The following SLC22A4 variants were observed in gnomAD, a reference collection of about 807,000 sequenced individuals.
SLC22A4 encodes the protein solute carrier family 22 member 4.
A neutral mutation model predicts 56.6 loss-of-function variants in SLC22A4; 39 were observed. The observed-to-expected ratio is 0.69, with a 90% CI of 0.53 to 0.90. The LOEUF is 0.90. SLC22A4 is among the 40% of genes least tolerant of loss of function. The pLI is 0.00. For synonymous variants in SLC22A4, 241 were observed against 281.4 expected (o/e 0.86, Z 1.44); for missense variants, 594 against 696.5 (o/e 0.85, Z 1.66).
At chr5:132,317,396 T>C (rs1332901775) in intron 3 of SLC22A4, among the ~76,000 whole-genome samples, 1 of 152,246 alleles carries the variant, frequency 6.6e-6, no homozygotes, top group Non-Finnish European at 1.5e-5. Context: ...CTGCCTTTAA[T>C]GGATTTCCCT....
At chr5:132,332,052 G>A (rs576608043) in intron 6 of SLC22A4, 13 of 538,184 alleles carry the variant, frequency 2.4e-5, no homozygotes, top group East Asian at 7.0e-5. Flanking sequence ...AATGGCTTAC[G>A]CCTGTAATTC....
At chr5:132,305,022 A>G (rs1009134428) in intron 1 of SLC22A4, among the ~76,000 whole-genome samples, 3 of 152,220 alleles carry the variant, frequency 2.0e-5, no homozygotes, top group Non-Finnish European at 4.4e-5. Flanking sequence ...AGGTAGGAGG[A>G]TTGCTTAAGC....
chr5:132,339,206 A>G (rs1433108034), intron 8 of SLC22A4, among the ~76,000 whole-genome samples: 1 of 152,220 alleles, frequency 6.6e-6, no homozygotes, highest in Non-Finnish European at 1.5e-5. Flanking sequence ...GCAATGGAAG[A>G]AATTAGCCCC....
intron 1 of SLC22A4, among the ~76,000 whole-genome samples, chr5:132,300,538 A>T (rs897336128): frequency 6.6e-6 from 1 of 152,364 alleles, no homozygotes; most frequent in Non-Finnish European, 1.5e-5. Context: ...ACATCTATTT[A>T]TTAATGTATG....
chr5:132,334,524 G>A (rs965948797), intron 6 of SLC22A4, among the ~76,000 whole-genome samples, 194 bp from the exon 7 acceptor site: 5 of 152,222 alleles, frequency 3.3e-5, no homozygotes, highest in Non-Finnish European at 7.3e-5. Context: ...TGGCTATTGA[G>A]CACTTGAAGT....
At chr5:132,338,626 G>A (rs1031071359) in intron 8 of SLC22A4, among the ~76,000 whole-genome samples, 6 of 152,152 alleles carry the variant, frequency 3.9e-5, no homozygotes, top group African/African-American at 7.2e-5. Flanking sequence ...CCTCAGGGAC[G>A]AATTGTCTTT....
intron 2 of SLC22A4, 47 bp downstream of exon 2, chr5:132,312,311 T>A (rs764379610): frequency 2.7e-6 from 3 of 1,123,774 alleles, no homozygotes; most frequent in South Asian, 2.5e-5. Flanking sequence ...CCCTTGTCAA[T>A]CACTGCCTAT....
At position 132,294,963 on chromosome 5, in the gene SLC22A4, G is replaced by A; in HGVS notation, c.347G>A (p.Gly116Asp). The A allele has an allele frequency of 6.2e-7, 1 of 1,606,698 alleles. No homozygotes were observed. Among genetic ancestry groups the A allele is most frequent in the South Asian group, 1.1e-5 (1 of 90,046 alleles). Reference protein sequence around the residue: ...GQLEQESCLDGWEFSQDVYLS... With the variant: ...GQLEQESCLDDWEFSQDVYLS... ...CTGGAGCAGGAGAGCTGCCTGGATG[G>A]CTGGGAGTTCAGCCAGGACGTCTAC... The change falls in exon 1 of 10, where the codon GGC becomes GAC. Residue 116 changes from glycine to aspartate, a missense_variant. Coordinates refer to ENST00000200652, the MANE Select transcript of SLC22A4 (RefSeq NM_003059.3). The surrounding 1 kb of genome is among the most constrained non-coding windows in gnomAD (Gnocchi z 5.6).
chr5:132,327,234 C>T, intron 4 of SLC22A4, 43 bp from the exon 5 acceptor site: 1 of 1,449,658 alleles, frequency 6.9e-7, no homozygotes, highest in South Asian at 1.3e-5. Context: ...GTATCCAGCC[C>T]TGCTGTTGTG....
At chr5:132,303,251 G>A (rs77444985) in intron 1 of SLC22A4, among the ~76,000 whole-genome samples, 1,930 of 152,236 alleles carry the variant, frequency 0.013, 47 homozygotes, top group African/African-American at 0.045. Flanking sequence ...GAGCGCCAGC[G>A]CCATAGACCA....
intron 7 of SLC22A4, among the ~76,000 whole-genome samples, chr5:132,335,473 AG>A (rs1358027065): frequency 2.6e-5 from 4 of 152,242 alleles, no homozygotes; most frequent in African/African-American, 9.6e-5. Flanking sequence ...GAAAGAGGAT[AG>A]AAAGGATTGG....
rs769964152 is a variant in SLC22A4 at position 132,335,792 on chromosome 5, T to C, written c.1262-26T>C. On this transcript the variant is annotated intron_variant, in intron 7 of 9. Transcript: ENST00000200652. ...GAAAGTATCACTTCTAAAAGCACCA[T>C]TGTTTATACCGGGTCTCTTTTCCAG... 7.5e-6 allele frequency: 12 copies of C among 1,595,376 alleles called. No individual in the cohort carries two copies. The South Asian group carries it at 9.9e-5, about 13-fold the overall frequency.
At chr5:132,334,496 G>T (rs1040796700) in intron 6 of SLC22A4, among the ~76,000 whole-genome samples, 4 of 152,222 alleles carry the variant, frequency 2.6e-5, no homozygotes, top group Non-Finnish European at 4.4e-5. Flanking sequence ...GTTCAATATA[G>T]TAGCCACTAG....
rs747086200 is a variant in SLC22A4, at chr5:132,294,694, C to T, written c.78C>T (p.Ser26=). Residue 26 remains serine, a synonymous_variant, in exon 1 of 10, where the codon AGC becomes AGT. Transcript: ENST00000200652. The surrounding 1 kb of genome is among the most constrained non-coding windows in gnomAD (Gnocchi z 5.6). ...PFQRLIFFLL[S]ASIIPNGFNG... Reference sequence around the variant, plus strand: ...AGCGCCTCATCTTCTTCCTGCTCAGCGCCAGCATCATCCCCAATGGCTTCA... The same window carrying T: ...AGCGCCTCATCTTCTTCCTGCTCAGTGCCAGCATCATCCCCAATGGCTTCA... 52 of 1,614,082 alleles carry T rather than the reference C, an allele frequency of 3.2e-5. No homozygotes were observed. The Admixed American group carries it at 8.7e-4, about 27-fold the overall frequency.
intron 5 of SLC22A4, 131 bp downstream of exon 5, chr5:132,327,534 A>G (rs369763799): frequency 2.7e-5 from 19 of 710,004 alleles, no homozygotes; most frequent in Middle Eastern, 3.2e-4. Flanking sequence ...GAACACAATC[A>G]TGATTAAATT....
At chr5:132,300,958 A>G (rs1749893570) in intron 1 of SLC22A4, among the ~76,000 whole-genome samples, 1 of 152,240 alleles carries the variant, frequency 6.6e-6, no homozygotes, top group African/African-American at 2.4e-5. Flanking sequence ...CTCAGTCTCC[A>G]TGGGCATGGC....
chr5:132,307,338 A>C (rs888560466), intron 1 of SLC22A4, among the ~76,000 whole-genome samples: 1 of 152,240 alleles, frequency 6.6e-6, no homozygotes, highest in African/African-American at 2.4e-5. Flanking sequence ...TCAATCTTTT[A>C]TTCTTAAAAG....
intron 4 of SLC22A4, chr5:132,324,340 C>T (rs542844269): frequency 2.8e-4 from 98 of 350,126 alleles, no homozygotes; most frequent in South Asian, 7.5e-4. Flanking sequence ...CAGCGAGGAA[C>T]GAACAGCTCT....
chr5:132,341,933 C>T lies in SLC22A4; in HGVS notation c.1580+1233C>T, dbSNP rs139516912. ...CTACACTCCAGTCTGCGTGACAGAG[C>T]GAGACTCCGTCTCCAAAAAAAAAAC... On this transcript the variant is annotated intron_variant, in intron 9 of 9. Coordinates refer to ENST00000200652, the MANE Select transcript of SLC22A4 (RefSeq NM_003059.3). Among the ~76,000 whole-genome samples, 534 of 151,448 alleles carry T rather than the reference C, an allele frequency of 3.5e-3. 3 individuals carry two copies. Among genetic ancestry groups the T allele is most frequent in the African/African-American group, 0.012 (510 of 41,342 alleles).
Sources: gnomAD v4.1 joint callset for allele counts (sites outside exome capture counted in the v4.1 genomes callset) on GRCh38, gnomAD v4.1.1 for gene constraint, Gnocchi (gnomAD v3.1) non-coding constraint, MANE v1.5 for transcripts, NCBI Gene and HGNC (gene_info 2026-07-23, HGNC 2026-07-21) for gene names.